Variants in BROX observed in about 807,000 individuals in gnomAD.
BROX encodes the protein BRO1 domain-containing protein BROX.
BROX carries 53 observed loss-of-function variants against 61.0 expected under a neutral mutation model. The observed-to-expected ratio is 0.87, with a 90% CI of 0.70 to 1.09. BROX has a LOEUF of 1.09. Among genes scored for constraint, BROX ranks in the 50% least tolerant of loss-of-function variants. The pLI, the probability that BROX is intolerant of heterozygous loss-of-function variation, is 0.00. For synonymous variants in BROX, 152 were observed against 160.2 expected (o/e 0.95, Z 0.38); for missense variants, 489 against 472.0 (o/e 1.04, Z -0.33).
In BROX at chr1:222,725,567, A is replaced by T; in HGVS notation, c.580+12A>T. 1 of 1,561,782 alleles carries T rather than the reference A, an allele frequency of 6.4e-7. No individual in the cohort carries two copies. The highest frequency in any genetic ancestry group is 1.2e-5 in the South Asian group (1 of 85,572). ...TGAAGCTCAAGAAGGTATCCTAAAT[A>T]TTGTAAGATTTTTTTAAATGAAAGT... On this transcript the variant is annotated intron_variant, in intron 7 of 12. Transcript: ENST00000340934.
At chr1:222,732,440 C>G (rs781317820) in intron 12 of BROX, among the ~76,000 whole-genome samples, 188 bp from the exon 13 acceptor site, 1 of 152,124 alleles carries the variant, frequency 6.6e-6, no homozygotes, top group Non-Finnish European at 1.5e-5. Context: ...GTTTTCATCT[C>G]TACTGAAATG....
chr1:222,727,115 G>C, intron 7 of BROX, 53 bp from the exon 8 acceptor site: 4 of 1,209,496 alleles, frequency 3.3e-6, no homozygotes, highest in Non-Finnish European at 4.8e-6. Flanking sequence ...ATTGAATTTA[G>C]GATGAATAAA....
At position 222,712,857 on chromosome 1, in the gene BROX, C is replaced by T; in HGVS notation, c.-102C>T. ...CCCTGGTTCTGTAGTCTCGGTTCTC[C>T]GACTCCCTCTTTTTCTCGCTTGTGG... On this transcript the variant is annotated 5_prime_UTR_variant, in exon 1 of 13. Coordinates refer to ENST00000340934, the MANE Select transcript of BROX (RefSeq NM_144695.4). 5 of 1,275,412 alleles carry T rather than the reference C, an allele frequency of 3.9e-6. No homozygotes were observed. The highest frequency in any genetic ancestry group is 5.1e-6 in the Non-Finnish European group (5 of 979,658). The allele number at this position is 1,275,412 out of a possible 1,614,324, so 79.0% of individuals were successfully genotyped here.
intron 1 of BROX, chr1:222,715,266 C>G (rs886469702): frequency 6.6e-6 from 1 of 152,302 alleles, no homozygotes; most frequent in Non-Finnish European, 1.5e-5. Flanking sequence ...CCACCCACCC[C>G]CAGGTGATTT....
chr1:222,719,442 G>A, intron 4 of BROX, 83 bp downstream of exon 4: 1 of 969,030 alleles, frequency 1.0e-6, no homozygotes, highest in Non-Finnish European at 1.6e-6. Flanking sequence ...CTTTGTATTT[G>A]GAGAAGAAAA....
intron 2 of BROX, among the ~76,000 whole-genome samples, chr1:222,716,050 A>C (rs982901601): frequency 4.6e-5 from 7 of 152,174 alleles, no homozygotes; most frequent in Non-Finnish European, 7.3e-5. Context: ...ACAACAGTAC[A>C]AGGGACTCTA....
chr1:222,727,225 C>T lies in BROX; in HGVS notation c.638C>T (p.Ala213Val), dbSNP rs372955065. ...KHAPGLIAAL[A>V]YETANFYQKA... ...GCTCCTGGACTAATTGCTGCACTGG[C>T]GTATGAAACAGCCAATTTCTATCAA... The change falls in exon 8 of 13, where the codon GCG (alanine) becomes GTG (valine). Residue 213 changes from alanine to valine, a missense_variant. Transcript: ENST00000340934. The T allele has an allele frequency of 9.9e-6, 16 of 1,613,112 alleles. No homozygotes were observed. The highest frequency in any genetic ancestry group is 6.7e-5 in the East Asian group (3 of 44,846).
At chr1:222,727,381 T>C in intron 8 of BROX, 124 bp downstream of exon 8, 3 of 701,362 alleles carry the variant, frequency 4.3e-6, no homozygotes, top group South Asian at 3.3e-5. Context: ...TGGAGTAATA[T>C]TTTATTTATT....
chr1:222,714,584 T>TG (rs1656418591), intron 1 of BROX, among the ~76,000 whole-genome samples: 6 of 150,938 alleles, frequency 4.0e-5, no homozygotes, highest in Non-Finnish European at 8.9e-5. Context: ...TGTTTTTTGT[T>TG]TTTTTTTTCC....
rs1011569906 is a variant in BROX at position 222,713,285 on chromosome 1, G to T, written c.-17+343G>T. 126 of 986,060 alleles carry T rather than the reference G, an allele frequency of 1.3e-4. No individual in the cohort carries two copies. The African/African-American group carries it at 2.0e-3, about 16-fold the overall frequency. The allele number at this position is 986,060 out of a possible 1,614,324, so 61.1% of individuals were successfully genotyped here. ...GGCTTTCCACAAAAATGCCTGTTTG[G>T]AAAGAGGGGAACTCAAGTGTTGGCG... is the stretch of plus-strand genomic sequence containing the variant. On this transcript the variant is annotated intron_variant, in intron 1 of 12. Coordinates refer to ENST00000340934, the MANE Select transcript of BROX (RefSeq NM_144695.4).
Position 222,732,623 on chromosome 1 carries a change from C to T in BROX, c.1150-5C>T, listed in dbSNP as rs1204329346. ...GTACTTAAACTGTGGTTTTTTTCTC[C>T]CTAGACTAAACCCAAACCAGAAGAA... On this transcript the variant is annotated splice_region_variant and splice_polypyrimidine_tract_variant and intron_variant, in intron 12 of 12. Coordinates refer to ENST00000340934, the MANE Select transcript of BROX (RefSeq NM_144695.4). The T allele has an allele frequency of 6.2e-7, 1 of 1,608,804 alleles. No individual in the cohort carries two copies. Among genetic ancestry groups the T allele is most frequent in the Non-Finnish European group, 8.5e-7 (1 of 1,177,262 alleles).
intron 1 of BROX, among the ~76,000 whole-genome samples, chr1:222,714,565 C>T (rs35762933): frequency 0.26 from 38,942 of 148,094 alleles, 7,716 homozygotes; most frequent in African/African-American, 0.57. Flanking sequence ...AGGTGGTGTT[C>T]CAAGTTTTTG....
intron 7 of BROX, among the ~76,000 whole-genome samples, chr1:222,725,833 C>G (rs1449572261): frequency 6.6e-6 from 1 of 152,144 alleles, no homozygotes; most frequent in African/African-American, 2.4e-5. Context: ...ATCGCTGGAG[C>G]CTGGGAGGTC....
chr1:222,715,030 T>TA (rs1244775266), intron 1 of BROX: 1 of 152,252 alleles, frequency 6.6e-6, no homozygotes, highest in Non-Finnish European at 1.5e-5. Flanking sequence ...ATGTCGGAAA[T>TA]ACAGCAGTTA....
rs10495201 is a variant in BROX, at chr1:222,732,517, A to G, written c.1150-111A>G. On this transcript the variant is annotated intron_variant, in intron 12 of 12. Transcript: ENST00000340934. ...TCTGGAAATAGCTTTGTCAGTATCCATGTTATGTAATTTAATATAGCATCT... is the reference window on the plus strand; with the variant it reads ...TCTGGAAATAGCTTTGTCAGTATCCGTGTTATGTAATTTAATATAGCATCT... The G allele has an allele frequency of 2.2e-3, 1,460 of 676,902 alleles. 46 individuals are homozygous for G. In the Admixed American group the frequency reaches 0.042, roughly 19 times the overall value. 41.9% of individuals were successfully genotyped at this position (676,902 alleles called of 1,614,324 possible).
At chr1:222,714,919 T>A (rs1294116075) in intron 1 of BROX, among the ~76,000 whole-genome samples, 1 of 152,184 alleles carries the variant, frequency 6.6e-6, no homozygotes, top group East Asian at 1.9e-4. Context: ...TGATCAAGTA[T>A]TGTATTACAT....
At chr1:222,728,474 T>C (rs1657679219) in intron 8 of BROX, among the ~76,000 whole-genome samples, 1 of 152,186 alleles carries the variant, frequency 6.6e-6, no homozygotes, top group South Asian at 2.1e-4. Context: ...CTTGAAGTTC[T>C]TGGTCACAAT....
chr1:222,725,514 T>C lies in BROX; in HGVS notation c.539T>C (p.Ile180Thr), dbSNP rs766022617. 3.5e-5 allele frequency: 57 copies of C among 1,613,238 alleles called. No individual in the cohort carries two copies. The highest frequency in any genetic ancestry group is 1.7e-4 in the Admixed American group (10 of 59,868). Reference sequence around the variant, plus strand: ...GGAAGAGATTTAGAGTCACGACTCATAGAAGCATACGTTATTCAATGTCAG... The same window carrying C: ...GGAAGAGATTTAGAGTCACGACTCACAGAAGCATACGTTATTCAATGTCAG... ...EKGRDLESRL[I>T]EAYVIQCQAE... The change falls in exon 7 of 13, where the codon ATA becomes ACA. Residue 180 changes from isoleucine to threonine, a missense_variant. Transcript: ENST00000340934.
In BROX at chr1:222,715,754, A is replaced by C; in HGVS notation, c.55A>C (p.Asn19His). The C allele has an allele frequency of 6.3e-7, 1 of 1,597,392 alleles. No individual in the cohort carries two copies. Among genetic ancestry groups the C allele is most frequent in the Non-Finnish European group, 8.5e-7 (1 of 1,170,598 alleles). Residue 19 changes from asparagine (N) to histidine (H), a missense_variant, in exon 2 of 13, where the codon AAT becomes CAT. Asn to His is a moderately conservative substitution (Grantham distance 68, BLOSUM62 1). Coordinates refer to ENST00000340934, the MANE Select transcript of BROX (RefSeq NM_144695.4). Reference protein sequence around the residue: ...PLKATAPVSFNYYGVVTGPSA... With the variant: ...PLKATAPVSFHYYGVVTGPSA... ...AAAAGCCACAGCTCCTGTGTCTTTT[A>C]ATTACTATGGTGTAGTCACTGGCCC... is the stretch of plus-strand genomic sequence containing the variant.
Sources: gnomAD v4.1 joint callset for allele counts (sites outside exome capture counted in the v4.1 genomes callset) on GRCh38, gnomAD v4.1.1 for gene constraint, MANE v1.5 for transcripts, NCBI Gene and HGNC (gene_info 2026-07-23, HGNC 2026-07-21) for gene names.